The following TANC1 variants were observed in gnomAD, a reference collection of about 807,000 sequenced individuals.
TANC1 encodes the protein protein TANC1.
TANC1 carries 77 observed loss-of-function variants against 149.7 expected under a neutral mutation model. The ratio of observed to expected loss-of-function variants is 0.51; its 90% CI spans 0.43 to 0.62. The LOEUF (loss-of-function observed/expected upper bound fraction) is 0.62, where lower values mean the gene tolerates loss of function less well. TANC1 is among the 20% of genes least tolerant of loss of function. TANC1 has a pLI of 0.00. For missense variants in TANC1, 1,985 were observed against 2,321.8 expected (o/e 0.85, Z 2.98); for synonymous variants, 854 against 925.0 (o/e 0.92, Z 1.39).
At chr2:159,133,853 C>T (rs944018022) in intron 4 of TANC1, among the ~76,000 whole-genome samples, 4 of 152,090 alleles carry the variant, frequency 2.6e-5, no homozygotes, top group African/African-American at 4.8e-5. Context: ...TTTGAAATAC[C>T]GTCCTTATTT....
chr2:159,225,569 C>T, intron 23 of TANC1, 119 bp from the exon 24 acceptor site: 2 of 750,550 alleles, frequency 2.7e-6, no homozygotes, highest in East Asian at 2.6e-5. Flanking sequence ...CCTCATCGTG[C>T]TGTGGTCCTT....
intron 2 of TANC1, among the ~76,000 whole-genome samples, chr2:159,037,641 G>A (rs1292542652): frequency 6.6e-6 from 1 of 152,152 alleles, no homozygotes; most frequent in Non-Finnish European, 1.5e-5. Context: ...TTTTTGTCAG[G>A]TTTGTCAAAG....
At chr2:159,185,739 G>A (rs902328891) in intron 14 of TANC1, 52 bp from the exon 15 acceptor site, 10 of 1,269,502 alleles carry the variant, frequency 7.9e-6, no homozygotes, top group Admixed American at 5.4e-5. Context: ...GTGGGTCTGC[G>A]GTGTGGTGGA....
Position 159,219,851 on chromosome 2 carries a change from A to G in TANC1, c.3662A>G (p.Tyr1221Cys), listed in dbSNP as rs767318337. The G allele has an allele frequency of 3.1e-6, 5 of 1,613,230 alleles. No homozygotes were observed. The highest frequency in any genetic ancestry group is 1.7e-5 in the Admixed American group (1 of 60,022). ...GRTPLDLAAF[Y>C]GDAETVLYLV... Reference sequence around the variant, plus strand: ...ACACCCTTGGACCTGGCTGCCTTCTATGGCGATGCCGAGACTGTGAGTACC... The same window carrying G: ...ACACCCTTGGACCTGGCTGCCTTCTGTGGCGATGCCGAGACTGTGAGTACC... The change falls in exon 22 of 27, where the codon TAT becomes TGT. Residue 1221 changes from tyrosine (Y) to cysteine (C), a missense_variant. Tyr to Cys is a radical substitution (Grantham distance 194). This residue lies in a region of TANC1 where 920 missense variants were observed against 994.7 expected (regional missense o/e 0.92). Transcript: ENST00000263635.
At chr2:159,084,518 C>T (rs2044636171) in intron 3 of TANC1, among the ~76,000 whole-genome samples, 1 of 152,152 alleles carries the variant, frequency 6.6e-6, no homozygotes, top group East Asian at 1.9e-4. Flanking sequence ...TAAATGGTAG[C>T]AGCTCCCTTT....
At chr2:159,092,759 G>A (rs976767646) in intron 3 of TANC1, among the ~76,000 whole-genome samples, 1 of 152,226 alleles carries the variant, frequency 6.6e-6, no homozygotes, top group African/African-American at 2.4e-5. Context: ...GAGGCTATAT[G>A]TAACCTGCAA....
At chr2:159,083,099 T>C (rs567326630) in intron 3 of TANC1, among the ~76,000 whole-genome samples, 1 of 152,094 alleles carries the variant, frequency 6.6e-6, no homozygotes, top group African/African-American at 2.4e-5. Flanking sequence ...GCACCCACCA[T>C]ATGTCCAGCT....
chr2:159,163,641 C>T, intron 8 of TANC1, 95 bp downstream of exon 8: 1 of 1,430,452 alleles, frequency 7.0e-7, no homozygotes, highest in Middle Eastern at 2.6e-4. Context: ...CAGATACAAG[C>T]CAGCTTCGTG....
At chr2:158,981,519 A>G (rs1017412672) in intron 1 of TANC1, among the ~76,000 whole-genome samples, 3 of 121,504 alleles carry the variant, frequency 2.5e-5, no homozygotes, top group Non-Finnish European at 3.6e-5. Context: ...ATATATATAT[A>G]TATATATATA....
intron 3 of TANC1, among the ~76,000 whole-genome samples, chr2:159,094,552 T>A (rs2045884627): frequency 6.6e-6 from 1 of 152,194 alleles, no homozygotes; most frequent in Non-Finnish European, 1.5e-5. Context: ...GGCATCATGG[T>A]GCAGCCTAGC....
chr2:159,077,542 A>G (rs964261664), intron 3 of TANC1, among the ~76,000 whole-genome samples: 7 of 152,216 alleles, frequency 4.6e-5, no homozygotes, highest in Admixed American at 4.6e-4. Flanking sequence ...GACACACATC[A>G]ATACATATAT....
chr2:159,232,258 G>T lies in TANC1; in HGVS notation c.*1246G>T, dbSNP rs2060359286. The T allele has an allele frequency of 6.6e-6, 1 of 152,566 alleles. No individual in the cohort carries two copies. The highest frequency in any genetic ancestry group is 2.4e-5 in the African/African-American group (1 of 41,430). The allele number at this position is 152,566 out of a possible 1,614,324, so 9.5% of individuals were successfully genotyped here. ...TTTAAAGGTATTTTTATATGAAAAT[G>T]GTGTGTTATTGGAAGATGTTAAAAT... is the stretch of plus-strand genomic sequence containing the variant. On this transcript the variant is annotated 3_prime_UTR_variant, in exon 27 of 27. Coordinates refer to ENST00000263635, the MANE Select transcript of TANC1 (RefSeq NM_033394.3).
intron 25 of TANC1, 62 bp downstream of exon 25, chr2:159,228,027 AAGGCCAGCCCTTCT>A: frequency 6.4e-7 from 1 of 1,560,236 alleles, no homozygotes; most frequent in Non-Finnish European, 8.7e-7. Flanking sequence ...TCCAGCAGTG[AAGGCCAGCCCTTCT>A]CCAGACCAGA....
intron 4 of TANC1, among the ~76,000 whole-genome samples, chr2:159,131,980 G>T (rs2050157134): frequency 6.6e-6 from 1 of 152,214 alleles, no homozygotes; most frequent in South Asian, 2.1e-4. Flanking sequence ...TTGATGACTG[G>T]GTGGTGGAAG....
chr2:159,053,407 A>G (rs2041618631), intron 2 of TANC1, among the ~76,000 whole-genome samples: 1 of 152,234 alleles, frequency 6.6e-6, no homozygotes, highest in African/African-American at 2.4e-5. Flanking sequence ...CAAATTCCAG[A>G]GGAGAGCGCA....
chr2:159,010,707 A>G (rs1433482592), intron 2 of TANC1, among the ~76,000 whole-genome samples: 2 of 151,664 alleles, frequency 1.3e-5, no homozygotes, highest in Non-Finnish European at 2.9e-5. Flanking sequence ...ATGTGCTTAT[A>G]GAAATGAATG....
intron 22 of TANC1, among the ~76,000 whole-genome samples, chr2:159,220,877 C>T (rs13407515): frequency 0.087 from 13,188 of 152,152 alleles, 1,211 homozygotes; most frequent in East Asian, 0.23. Context: ...CCACCATGCC[C>T]GGACAAAGTT....
chr2:159,205,881 C>T (rs2058571061), intron 19 of TANC1, among the ~76,000 whole-genome samples: 1 of 152,186 alleles, frequency 6.6e-6, no homozygotes, highest in Non-Finnish European at 1.5e-5. Context: ...ATATGTGTTA[C>T]ATGGAACGCA....
intron 3 of TANC1, among the ~76,000 whole-genome samples, chr2:159,087,607 A>C (rs901489765): frequency 9.9e-5 from 15 of 151,396 alleles, no homozygotes; most frequent in African/African-American, 3.4e-4. Context: ...TCCTGGGCTC[A>C]AGTGGTCCTC....
Sources: allele counts gnomAD v4.1 joint callset (sites outside exome capture counted in the v4.1 genomes callset), GRCh38; gene constraint gnomAD v4.1.1; regional missense constraint gnomAD v4.1.1; transcripts MANE v1.5; gene names NCBI Gene and HGNC (gene_info 2026-07-23, HGNC 2026-07-21).